TMEM131: variants seen among roughly 807,000 people sequenced by gnomAD.
TMEM131 encodes the protein 2610524E03Rik.
In TMEM131, 66 loss-of-function variants were observed where a neutral mutation model predicts 211.6. That is an observed-to-expected ratio of 0.31 (90% CI 0.26 to 0.38). The LOEUF (loss-of-function observed/expected upper bound fraction) is 0.38. Among genes scored for constraint, TMEM131 ranks in the 10% least tolerant of loss-of-function variants. The pLI is 1.00. For missense variants in TMEM131, 2,036 were observed against 2,299.3 expected (o/e 0.89, Z 2.34); for synonymous variants, 844 against 841.3 (o/e 1.00, Z -0.06).
Position 97,833,424 on chromosome 2 carries a change from G to C in TMEM131, c.1015C>G (p.Leu339Val), listed in dbSNP as rs747443145. ...AAATGAAGGTTTAAAACTTTTGGTA[G>C]ATCTGTTAAAATTGAGGAAAAGAAA... Reference protein sequence around the residue: ...LDFGTLRTQDLPKVLNLHLLN... With the variant: ...LDFGTLRTQDVPKVLNLHLLN... The change falls in exon 11 of 41, where the codon CTA (leucine) becomes GTA (valine). Residue 339 changes from leucine to valine, a missense_variant and splice_region_variant. Around this residue, in one of 3 missense-constraint regions of TMEM131, gnomAD observed 277 missense variants for 378.0 expected, o/e 0.73. Transcript: ENST00000186436. 3.8e-6 allele frequency: 5 copies of C among 1,322,304 alleles called. No individual in the cohort carries two copies. The highest frequency in any genetic ancestry group is 5.3e-6 in the Non-Finnish European group (5 of 950,994). 81.9% of individuals were successfully genotyped at this position (1,322,304 alleles called of 1,614,324 possible).
intron 4 of TMEM131, among the ~76,000 whole-genome samples, chr2:97,867,409 T>C (rs1559411397): frequency 1.3e-5 from 2 of 152,230 alleles, no homozygotes. Flanking sequence ...TATATCTCCC[T>C]GGATTGACCC....
intron 32 of TMEM131, among the ~76,000 whole-genome samples, chr2:97,775,355 A>G (rs1053730058): frequency 6.6e-6 from 1 of 151,666 alleles, no homozygotes; most frequent in Non-Finnish European, 1.5e-5. Flanking sequence ...CTGGGGCCAC[A>G]CTCCCTCCAG....
intron 31 of TMEM131, among the ~76,000 whole-genome samples, chr2:97,790,351 C>T (rs1438987519): frequency 1.3e-5 from 2 of 151,970 alleles, no homozygotes; most frequent in African/African-American, 4.8e-5. Flanking sequence ...TTCCTTTTTC[C>T]CAAACAGCAT....
At chr2:97,871,940 CG>C (rs199797576) in intron 4 of TMEM131, among the ~76,000 whole-genome samples, 41 of 114,520 alleles carry the variant, frequency 3.6e-4, no homozygotes, top group East Asian at 1.7e-3. Flanking sequence ...AAAATGGGGT[CG>C]GGGGGGGAGT....
chr2:97,836,963 T>A (rs1022185752), intron 8 of TMEM131, 114 bp downstream of exon 8: 19 of 798,734 alleles, frequency 2.4e-5, no homozygotes, highest in Middle Eastern at 2.5e-4. Context: ...AAGACAACGA[T>A]TAAAGAGAAG....
chr2:97,949,519 T>C (rs940747306), intron 1 of TMEM131, among the ~76,000 whole-genome samples: 28 of 152,132 alleles, frequency 1.8e-4, no homozygotes, highest in African/African-American at 6.7e-4. Flanking sequence ...ATAAATCTGT[T>C]TATTAAAAGT....
intron 3 of TMEM131, among the ~76,000 whole-genome samples, chr2:97,897,222 A>G (rs915659255): frequency 2.0e-5 from 3 of 152,114 alleles, no homozygotes; most frequent in African/African-American, 7.2e-5. Flanking sequence ...TGGTTTGTAG[A>G]CAAAATCCTT....
intron 6 of TMEM131, 72 bp downstream of exon 6, chr2:97,844,073 A>G: frequency 2.3e-6 from 1 of 431,242 alleles, no homozygotes; most frequent in Non-Finnish European, 4.0e-6. Flanking sequence ...CTGAGTTCTT[A>G]AAAGGCTGTC....
At chr2:97,766,330 T>A (rs939387045) in intron 34 of TMEM131, 67 bp from the exon 35 acceptor site, 59 of 1,607,324 alleles carry the variant, frequency 3.7e-5, no homozygotes, top group Non-Finnish European at 5.0e-5. Context: ...TCTATTTCAA[T>A]GAACCTTCTA....
chr2:97,805,135 T>C lies in TMEM131; in HGVS notation c.2355A>G (p.Gln785=). The change falls in exon 22 of 41, where the codon CAA becomes CAG. Residue 785 remains glutamine (Q), a synonymous_variant. Transcript: ENST00000186436. The part of the protein sequence containing the change: ...DMWDADWDLH[Q]SLFKGWTGIK... ...TTCCTGTCCATCCCTTGAACAGGCT[T>C]TGATGCAAATCCCAGTCAGCATCCC... 6.2e-7 allele frequency: 1 copy of C among 1,613,952 alleles called. No individual in the cohort carries two copies. The highest frequency in any genetic ancestry group is 1.3e-5 in the African/African-American group (1 of 75,070).
At chr2:97,881,707 C>CAG (rs1553609278) in intron 4 of TMEM131, among the ~76,000 whole-genome samples, 5 of 55,348 alleles carry the variant, frequency 9.0e-5, no homozygotes, top group African/African-American at 4.1e-4. Flanking sequence ...TGGATAACTG[C>CAG]AAAAAAAAAA....
chr2:97,807,134 T>C, intron 19 of TMEM131, among the ~76,000 whole-genome samples: 1 of 152,246 alleles, frequency 6.6e-6, no homozygotes, highest in East Asian at 1.9e-4. Context: ...TCTAGTATTC[T>C]CCATCTGATA....
At chr2:97,842,883 A>G (rs938737294) in intron 6 of TMEM131, among the ~76,000 whole-genome samples, 2 of 152,192 alleles carry the variant, frequency 1.3e-5, no homozygotes, top group Non-Finnish European at 2.9e-5. Context: ...AGATCTGTCT[A>G]GCACTTCAAA....
intron 5 of TMEM131, among the ~76,000 whole-genome samples, chr2:97,850,586 GAAAA>G (rs780858711): frequency 6.6e-6 from 1 of 151,718 alleles, no homozygotes; most frequent in Non-Finnish European, 1.5e-5. Flanking sequence ...TAAAAGATGT[GAAAA>G]AAACATTTAC....
At chr2:97,842,753 C>CTCAA (rs1443673430) in intron 6 of TMEM131, among the ~76,000 whole-genome samples, 5 of 152,180 alleles carry the variant, frequency 3.3e-5, no homozygotes, top group African/African-American at 1.2e-4. Flanking sequence ...GATCATGACC[C>CTCAA]TCAATAGTCC....
intron 33 of TMEM131, among the ~76,000 whole-genome samples, chr2:97,771,636 A>G (rs1276467003): frequency 6.6e-6 from 1 of 152,204 alleles, no homozygotes; most frequent in Non-Finnish European, 1.5e-5. Flanking sequence ...ATGCACCAAC[A>G]CTAAAATTAT....
intron 5 of TMEM131, among the ~76,000 whole-genome samples, chr2:97,851,314 A>G (rs939197475): frequency 2.6e-5 from 4 of 151,960 alleles, no homozygotes; most frequent in African/African-American, 9.7e-5. Flanking sequence ...AACCCGTTCT[A>G]CCCTCTGCCT....
intron 29 of TMEM131, among the ~76,000 whole-genome samples, chr2:97,793,850 C>T (rs563770756): frequency 2.0e-5 from 3 of 151,536 alleles, no homozygotes; most frequent in South Asian, 2.1e-4. Flanking sequence ...AAAAATTAGC[C>T]GGCCGTGGTG....
At chr2:97,907,541 T>C (rs1164436776) in intron 3 of TMEM131, among the ~76,000 whole-genome samples, 1 of 152,188 alleles carries the variant, frequency 6.6e-6, no homozygotes, top group Non-Finnish European at 1.5e-5. Context: ...AATGCTTCCC[T>C]GTTCCTGCTA....
Sources: gnomAD v4.1 joint callset for allele counts (sites outside exome capture counted in the v4.1 genomes callset) on GRCh38, gnomAD v4.1.1 for gene constraint, gnomAD v4.1.1 regional missense constraint, MANE v1.5 for transcripts, NCBI Gene and HGNC (gene_info 2026-07-23, HGNC 2026-07-21) for gene names.